The following SNAP23 variants were observed in gnomAD, a reference collection of about 807,000 sequenced individuals.
SNAP23 encodes synaptosomal-associated protein 23.
SNAP23 carries 11 observed loss-of-function variants against 29.0 expected under a neutral mutation model. That is an observed-to-expected ratio of 0.38 (90% CI 0.24 to 0.63). SNAP23 has a LOEUF of 0.63. SNAP23 is among the 20% of genes least tolerant of loss of function. SNAP23 has a pLI of 0.58. For missense variants in SNAP23, 220 were observed against 253.9 expected, an observed-to-expected ratio of 0.87 and a Z score of 0.91; for synonymous variants, 60 against 82.9, an observed-to-expected ratio of 0.72 and a Z score of 1.50.
At chr15:42,511,266 C>T (rs145225578) in intron 1 of SNAP23, among the ~76,000 whole-genome samples, 2 of 152,266 alleles carry the variant, frequency 1.3e-5, no homozygotes, top group African/African-American at 4.8e-5. Flanking sequence ...GAGTCTAATG[C>T]ATAATAAAAA....
At chr15:42,531,327 G>GGT in intron 7 of SNAP23, 86 bp from the exon 8 acceptor site, 1 of 786,282 alleles carries the variant, frequency 1.3e-6, no homozygotes, top group East Asian at 2.9e-5. Context: ...GGATTTTCTT[G>GGT]GTGTGTCAGT....
chr15:42,522,484 T>G (rs1180087838), intron 5 of SNAP23, among the ~76,000 whole-genome samples: 2 of 152,162 alleles, frequency 1.3e-5, no homozygotes, highest in Non-Finnish European at 2.9e-5. Context: ...TGAACATGAT[T>G]AAATGTTAAA....
chr15:42,528,889 C>G (rs2057534185), intron 6 of SNAP23, among the ~76,000 whole-genome samples: 1 of 152,128 alleles, frequency 6.6e-6, no homozygotes, highest in Non-Finnish European at 1.5e-5. Flanking sequence ...CCTGGCCAGA[C>G]AAAATGTTGA....
chr15:42,509,274 T>G lies in SNAP23; in HGVS notation c.-14-2559T>G, dbSNP rs1332911062. Reference sequence around the variant, plus strand: ...GCAAATTAATAAAATACCTGGTTCCTTTTATGCTTGTATCTAATGAATGAT... The same window carrying G: ...GCAAATTAATAAAATACCTGGTTCCGTTTATGCTTGTATCTAATGAATGAT... On this transcript the variant is annotated intron_variant, in intron 1 of 7. Transcript: ENST00000249647. 3.3e-5 allele frequency among the ~76,000 whole-genome samples: 5 copies of G among 152,310 alleles called. No individual in the cohort carries two copies. In the East Asian group the frequency reaches 9.6e-4, roughly 29 times the overall value.
chr15:42,505,435 A>G (rs948284583), intron 1 of SNAP23: 1 of 152,070 alleles, frequency 6.6e-6, no homozygotes, highest in Non-Finnish European at 1.5e-5. Flanking sequence ...ATGAAGCCAC[A>G]TGGATCTTCC....
In SNAP23 at chr15:42,521,169, T is replaced by C. The variant is rs1595526916; in HGVS notation, c.266+5815T>C. Among the ~76,000 whole-genome samples, 4 of 152,320 alleles carry C rather than the reference T, an allele frequency of 2.6e-5. No homozygotes were observed. In the East Asian group the frequency reaches 7.7e-4, roughly 29 times the overall value. On this transcript the variant is annotated intron_variant, in intron 5 of 7. Transcript: ENST00000249647. ...GTTACTCAATAAACACTTGTTGATTTGAGTGTCCTTGAGAAACTTGTTGGC... is the reference window on the plus strand; with the variant it reads ...GTTACTCAATAAACACTTGTTGATTCGAGTGTCCTTGAGAAACTTGTTGGC...
chr15:42,498,971 A>G (rs1234058094), intron 1 of SNAP23, among the ~76,000 whole-genome samples: 1 of 152,208 alleles, frequency 6.6e-6, no homozygotes, highest in African/African-American at 2.4e-5. Context: ...TACTGTGCCA[A>G]ATAAACAGTG....
rs1417695104 is a variant in SNAP23 at position 42,532,443 on chromosome 15, A to G, written c.*965A>G. The G allele has an allele frequency of 3.9e-5, 6 of 152,334 alleles. No individual in the cohort carries two copies. In the East Asian group the frequency reaches 1.2e-3, roughly 29 times the overall value. The allele number at this position is 152,334 out of a possible 1,614,324, so 9.4% of individuals were successfully genotyped here. A position where few individuals can be genotyped will look rare whatever the true frequency, so the allele number is the denominator to read the frequency against. Reference sequence around the variant, plus strand: ...CTTAGTGATTCATATATGTACATAAATCTGTGATCCCATTTCTTATTGCAC... The same window carrying G: ...CTTAGTGATTCATATATGTACATAAGTCTGTGATCCCATTTCTTATTGCAC... On this transcript the variant is annotated 3_prime_UTR_variant, in exon 8 of 8. Coordinates refer to ENST00000249647, the MANE Select transcript of SNAP23 (RefSeq NM_003825.4).
intron 1 of SNAP23, among the ~76,000 whole-genome samples, chr15:42,499,414 C>T (rs1206839326): frequency 6.6e-6 from 1 of 152,120 alleles, no homozygotes; most frequent in Non-Finnish European, 1.5e-5. Context: ...CAACCTAGAA[C>T]CAGAAAGAAA....
At chr15:42,506,535 G>C (rs1166977831) in intron 1 of SNAP23, among the ~76,000 whole-genome samples, 1 of 152,208 alleles carries the variant, frequency 6.6e-6, no homozygotes, top group Non-Finnish European at 1.5e-5. Context: ...GCTGTGCCTA[G>C]CCAATAGACT....
chr15:42,493,100 G>C (rs2057188156), upstream of SNAP23: 1 of 152,158 alleles, frequency 6.6e-6, no homozygotes, highest in Non-Finnish European at 1.5e-5. Flanking sequence ...CTATAACTTT[G>C]GGAGGTCAAG....
chr15:42,513,391 T>TA lies in SNAP23; in HGVS notation c.100-8_100-7insA. 1 of 1,613,320 alleles carries TA rather than the reference T, an allele frequency of 6.2e-7. No homozygotes were observed. The highest frequency in any genetic ancestry group is 8.5e-7 in the Non-Finnish European group (1 of 1,179,306). Reference sequence around the variant, plus strand: ...GTTGTACTATCAGCTTTTCCCCCCTTGTCTTAGTCTCAGGATGCAGGAATC... The same window carrying TA: ...GTTGTACTATCAGCTTTTCCCCCCTTAGTCTTAGTCTCAGGATGCAGGAATC... On this transcript the variant is annotated splice_region_variant and splice_polypyrimidine_tract_variant and intron_variant, in intron 3 of 7. Transcript: ENST00000249647.
chr15:42,491,720 C>T (rs2057165841), upstream of SNAP23: 1 of 152,108 alleles, frequency 6.6e-6, no homozygotes, highest in African/African-American at 2.4e-5. Flanking sequence ...ATAATACTGA[C>T]TTTATTCTTA....
chr15:42,509,440 C>CTT (rs34486893), intron 1 of SNAP23, among the ~76,000 whole-genome samples: 33 of 134,006 alleles, frequency 2.5e-4, no homozygotes, highest in African/African-American at 3.0e-4. Flanking sequence ...GGCTCAAAAT[C>CTT]TTTTTTTTTT....
rs1316971441 is a variant in SNAP23 at position 42,532,479 on chromosome 15, C to T, written c.*1001C>T. 1.3e-5 allele frequency: 2 copies of T among 152,286 alleles called. No individual in the cohort carries two copies. The highest frequency in any genetic ancestry group is 2.9e-5 in the Non-Finnish European group (2 of 68,028). The allele number at this position is 152,286 out of a possible 1,614,324, so 9.4% of individuals were successfully genotyped here. ...CATTTCTTATTGCACCATTCAGGAA[C>T]ACTTTATATAAATGAGTGGCTTTTT... On this transcript the variant is annotated 3_prime_UTR_variant, in exon 8 of 8. Transcript: ENST00000249647.
chr15:42,504,838 GT>G (rs1262644901), intron 1 of SNAP23, among the ~76,000 whole-genome samples: 2 of 152,162 alleles, frequency 1.3e-5, no homozygotes, highest in African/African-American at 4.8e-5. Flanking sequence ...ATAAACAGAA[GT>G]TTCCTCTTGC....
chr15:42,494,413 G>C (rs1475291312), upstream of SNAP23, among the ~76,000 whole-genome samples: 2 of 96,252 alleles, frequency 2.1e-5, no homozygotes, highest in Admixed American at 2.1e-4. Flanking sequence ...TTTTTTTTTT[G>C]AGATGGAGTC....
intron 1 of SNAP23, among the ~76,000 whole-genome samples, chr15:42,496,118 A>G (rs1345707129): frequency 6.6e-6 from 1 of 152,188 alleles, no homozygotes; most frequent in Non-Finnish European, 1.5e-5. Flanking sequence ...GCTCTCTAGA[A>G]AGGTTCAGCC....
At chr15:42,521,738 G>A in intron 5 of SNAP23, 1 of 698,318 alleles carries the variant, frequency 1.4e-6, no homozygotes. Flanking sequence ...TTCTGTGCAT[G>A]TGCATGGATT....
Sources: gnomAD v4.1 joint callset for allele counts (sites outside exome capture counted in the v4.1 genomes callset) on GRCh38, gnomAD v4.1.1 for gene constraint, MANE v1.5 for transcripts, NCBI Gene and HGNC (gene_info 2026-07-23, HGNC 2026-07-21) for gene names.